HIVEP1: variants seen among roughly 807,000 people sequenced by gnomAD.
The protein encoded by HIVEP1 is zinc finger protein 40.
In HIVEP1, 36 loss-of-function variants were observed where a neutral mutation model predicts 180.0. The observed-to-expected ratio is 0.20, with a 90% CI of 0.15 to 0.26. The LOEUF (loss-of-function observed/expected upper bound fraction) is 0.26. Among genes scored for constraint, HIVEP1 ranks in the 10% least tolerant of loss-of-function variants. HIVEP1 has a pLI of 1.00. For synonymous variants in HIVEP1, 1,239 were observed against 1,239.0 expected (o/e 1.00, Z 0.00); for missense variants, 3,143 against 3,268.7 (o/e 0.96, Z 0.94).
the HIVEP1 span, among the ~76,000 whole-genome samples, chr6:12,177,892 G>C: frequency 6.6e-6 from 1 of 152,132 alleles, no homozygotes; most frequent in Non-Finnish European, 1.5e-5. Flanking sequence ...ATATTTAAAA[G>C]AATTTGATTA....
At chr6:12,140,693 A>C (rs1404831937) in intron 7 of HIVEP1, among the ~76,000 whole-genome samples, 2 of 152,232 alleles carry the variant, frequency 1.3e-5, no homozygotes, top group Admixed American at 1.3e-4. Context: ...GATGGAGCAA[A>C]ACTGTGGCAC....
At chr6:12,062,258 A>G (rs1024779253) in intron 2 of HIVEP1, among the ~76,000 whole-genome samples, 8 of 152,164 alleles carry the variant, frequency 5.3e-5, no homozygotes, top group African/African-American at 1.9e-4. Flanking sequence ...ATTACTTAAT[A>G]CATGTTAGAG....
chr6:12,024,604 T>C (rs1401240178), intron 2 of HIVEP1, among the ~76,000 whole-genome samples: 1 of 152,246 alleles, frequency 6.6e-6, no homozygotes, highest in African/African-American at 2.4e-5. Context: ...CATAGGTTTA[T>C]CTTCAAATTC....
At chr6:12,103,737 T>TA (rs1434074453) in intron 3 of HIVEP1, among the ~76,000 whole-genome samples, 1 of 152,160 alleles carries the variant, frequency 6.6e-6, no homozygotes, top group Non-Finnish European at 1.5e-5. Context: ...AGAGACCTGT[T>TA]AAAGTTTTTG....
At chr6:12,149,062 T>C (rs1297282760) in intron 7 of HIVEP1, among the ~76,000 whole-genome samples, 1 of 152,186 alleles carries the variant, frequency 6.6e-6, no homozygotes, top group East Asian at 1.9e-4. Flanking sequence ...CTTCTCTGTT[T>C]TGGTAGGTAC....
the HIVEP1 span, among the ~76,000 whole-genome samples, chr6:12,197,432 G>A: frequency 3.0e-3 from 450 of 151,720 alleles, 3 homozygotes; most frequent in African/African-American, 0.011. Flanking sequence ...GGTGGCATGT[G>A]CCTGTAATCC....
At chr6:12,081,892 C>T (rs966497904) in intron 2 of HIVEP1, among the ~76,000 whole-genome samples, 1 of 152,094 alleles carries the variant, frequency 6.6e-6, no homozygotes, top group Non-Finnish European at 1.5e-5. Flanking sequence ...TCCAGGCTTC[C>T]CCATACCCTG....
At position 12,121,232 on chromosome 6, in the gene HIVEP1, C is replaced by T; in HGVS notation, c.1437C>T (p.Ser479=). The change falls in exon 4 of 9, where the codon TCC becomes TCT. Residue 479 remains serine, a synonymous_variant. Transcript: ENST00000379388. This position sits in a 1 kb window ranked among gnomAD's most constrained non-coding sequence, Gnocchi z 5.3. ...GTGGCTTGTTCTTGTCCCACGAGTC[C>T]CCCAAAGCACTTAGTATTCATTCAG... is the stretch of plus-strand genomic sequence containing the variant. The part of the protein sequence containing the change: ...DAGGLFLSHE[S]PKALSIHSDV... 2 of 1,614,050 alleles carry T rather than the reference C, an allele frequency of 1.2e-6. No individual in the cohort carries two copies. The highest frequency in any genetic ancestry group is 1.7e-6 in the Non-Finnish European group (2 of 1,180,012).
At chr6:12,111,788 A>G (rs1455590642) in intron 3 of HIVEP1, among the ~76,000 whole-genome samples, 1 of 152,204 alleles carries the variant, frequency 6.6e-6, no homozygotes. Flanking sequence ...GTAACCGAGG[A>G]TAATCTCCCC....
chr6:12,129,649 T>A (rs1758305597), intron 4 of HIVEP1, 110 bp from the exon 5 acceptor site: 1 of 851,788 alleles, frequency 1.2e-6, no homozygotes, highest in Non-Finnish European at 1.9e-6. Flanking sequence ...TTGAAATGCA[T>A]TTCGTTGACC....
At chr6:12,023,653 TCC>T (rs1768396471) in intron 2 of HIVEP1, among the ~76,000 whole-genome samples, 1 of 118,408 alleles carries the variant, frequency 8.4e-6, no homozygotes, top group Non-Finnish European at 2.2e-5. Context: ...ATAGCAAGCC[TCC>T]TTTTTTTTTG....
intron 2 of HIVEP1, among the ~76,000 whole-genome samples, chr6:12,084,452 G>A (rs1772987514): frequency 1.3e-5 from 2 of 152,138 alleles, no homozygotes; most frequent in African/African-American, 4.8e-5. Context: ...AGTTTACTTA[G>A]TAGTGAAGAC....
At chr6:12,153,571 C>A (rs1181848751) in intron 7 of HIVEP1, among the ~76,000 whole-genome samples, 22 of 94,640 alleles carry the variant, frequency 2.3e-4, no homozygotes, top group Non-Finnish European at 2.8e-4. Flanking sequence ...GTAAGAAATG[C>A]AAAAAAAAAA....
intron 7 of HIVEP1, among the ~76,000 whole-genome samples, chr6:12,161,205 C>T (rs964089473): frequency 6.6e-6 from 1 of 152,140 alleles, no homozygotes; most frequent in African/African-American, 2.4e-5. Flanking sequence ...AGTCATTTCC[C>T]ATTCCTCGTC....
chr6:12,139,054 G>A (rs1414881647), intron 7 of HIVEP1, among the ~76,000 whole-genome samples: 4 of 151,762 alleles, frequency 2.6e-5, no homozygotes, highest in Non-Finnish European at 5.9e-5. Context: ...GGTCTCTGTG[G>A]TTCTACCCTG....
At position 12,155,427 on chromosome 6, in the gene HIVEP1, A is replaced by G. The variant is rs566619967; in HGVS notation, c.6488-6012A>G. Among the ~76,000 whole-genome samples, 19 of 140,424 alleles carry G rather than the reference A, an allele frequency of 1.4e-4. 1 individual carries two copies. In the East Asian group the frequency reaches 3.9e-3, roughly 29 times the overall value. 92.1% of individuals were successfully genotyped at this position (140,424 alleles called of 152,430 possible). A position where few individuals can be genotyped will look rare whatever the true frequency, so the allele number is the denominator to read the frequency against. On this transcript the variant is annotated intron_variant, in intron 7 of 8. Coordinates refer to ENST00000379388, the MANE Select transcript of HIVEP1 (RefSeq NM_002114.4). ...ACACCCCTATCACCCCCCAACAGAC[A>G]GGCCCCAGTGAGTATTGTTCCCCCC... is the stretch of plus-strand genomic sequence containing the variant.
chr6:12,121,549 C>G lies in HIVEP1; in HGVS notation c.1754C>G (p.Pro585Arg), dbSNP rs1258673918. ...TDSPKAMDPK[P>R]ELSSAQKQKD... ...AGTCCAAAGGCCATGGATCCCAAGC[C>G]TGAACTTTCTAGTGCACAAAAGCAG... The change falls in exon 4 of 9, where the codon CCT (proline) becomes CGT (arginine). Residue 585 changes from proline (P) to arginine (R), a missense_variant. Physicochemically the swap from Pro to Arg is moderately radical, Grantham distance 103. This residue lies in a region of HIVEP1 where 365 missense variants were observed against 344.4 expected (regional missense o/e 1.06). Transcript: ENST00000379388. The surrounding 1 kb of genome is among the most constrained non-coding windows in gnomAD (Gnocchi z 5.3). 6.2e-7 allele frequency: 1 copy of G among 1,614,160 alleles called. No individual in the cohort carries two copies. The highest frequency in any genetic ancestry group is 8.5e-7 in the Non-Finnish European group (1 of 1,180,030).
At chr6:12,205,289 G>A in the HIVEP1 span, among the ~76,000 whole-genome samples, 3 of 152,126 alleles carry the variant, frequency 2.0e-5, no homozygotes, top group African/African-American at 7.2e-5. Context: ...GGCTAACACG[G>A]TGAAACCCCG....
intron 5 of HIVEP1, among the ~76,000 whole-genome samples, chr6:12,130,273 TATAGTA>T (rs1486625234): frequency 6.6e-6 from 1 of 152,212 alleles, no homozygotes; most frequent in African/African-American, 2.4e-5. Flanking sequence ...CAATTATAGT[TATAGTA>T]AAGCTCCAAA....
Sources: allele counts gnomAD v4.1 joint callset (sites outside exome capture counted in the v4.1 genomes callset), GRCh38; gene constraint gnomAD v4.1.1; regional missense constraint gnomAD v4.1.1; non-coding constraint Gnocchi (gnomAD v3.1); transcripts MANE v1.5; gene names NCBI Gene and HGNC (gene_info 2026-07-23, HGNC 2026-07-21).